The following BNC2 variants were observed in gnomAD, a reference collection of about 807,000 sequenced individuals.
The protein encoded by BNC2 is basonuclin zinc finger protein 2.
Under a neutral mutation model 76.3 loss-of-function variants are expected in BNC2, and 20 were observed. That is an observed-to-expected ratio of 0.26 (90% CI 0.18 to 0.38). BNC2 has a LOEUF of 0.38. Among genes scored for constraint, BNC2 ranks in the 10% least tolerant of loss-of-function variants. The probability of loss-of-function intolerance (pLI) is 1.00; values close to 1 mark genes in which losing one functional copy is unlikely to be tolerated. For synonymous variants in BNC2, 582 were observed against 514.8 expected (o/e 1.13, Z -1.77); for missense variants, 1,382 against 1,399.8 (o/e 0.99, Z 0.20).
At chr9:16,688,671 A>C (rs1823052159) in intron 3 of BNC2, among the ~76,000 whole-genome samples, 1 of 152,374 alleles carries the variant, frequency 6.6e-6, no homozygotes, top group African/African-American at 2.4e-5. Flanking sequence ...TTGCTTTAAA[A>C]GTAATAAAAT....
At chr9:16,795,646 G>C (rs112936492) in intron 1 of BNC2, among the ~76,000 whole-genome samples, 1 of 152,070 alleles carries the variant, frequency 6.6e-6, no homozygotes, top group Non-Finnish European at 1.5e-5. Context: ...CTCCAGAGAG[G>C]ATATCATGAT....
chr9:16,497,815 G>A (rs910567923), intron 5 of BNC2, among the ~76,000 whole-genome samples: 2 of 151,944 alleles, frequency 1.3e-5, no homozygotes, highest in African/African-American at 2.4e-5. Context: ...ACAGAAAAAC[G>A]CAGGTTAGCC....
intron 5 of BNC2, among the ~76,000 whole-genome samples, chr9:16,521,033 T>G (rs1361288295): frequency 6.6e-6 from 1 of 152,078 alleles, no homozygotes; most frequent in Non-Finnish European, 1.5e-5. Context: ...TGTGGGGCCA[T>G]CCCCACACCA....
At chr9:16,781,374 G>A (rs894604205) in intron 1 of BNC2, among the ~76,000 whole-genome samples, 14 of 151,936 alleles carry the variant, frequency 9.2e-5, no homozygotes, top group Admixed American at 5.9e-4. Context: ...ATGGAGTCTC[G>A]CTCTGTTGCC....
At chr9:16,590,663 C>A (rs996199733) in intron 3 of BNC2, among the ~76,000 whole-genome samples, 1 of 151,974 alleles carries the variant, frequency 6.6e-6, no homozygotes, top group African/African-American at 2.4e-5. Flanking sequence ...AAAAATTCGC[C>A]GGGCGTGGTG....
chr9:16,549,990 A>T (rs1321930880), intron 5 of BNC2, among the ~76,000 whole-genome samples: 1 of 151,962 alleles, frequency 6.6e-6, no homozygotes, highest in South Asian at 2.1e-4. Context: ...GTCAAAATCT[A>T]TATTAAAATA....
chr9:16,617,481 A>G (rs926924560), intron 3 of BNC2, among the ~76,000 whole-genome samples: 1 of 151,652 alleles, frequency 6.6e-6, no homozygotes, highest in African/African-American at 2.4e-5. Flanking sequence ...GAATCCCCAC[A>G]AAGCCCTGTA....
At chr9:16,858,990 T>C (rs950307537) in intron 1 of BNC2, among the ~76,000 whole-genome samples, 16 of 151,968 alleles carry the variant, frequency 1.1e-4, no homozygotes, top group African/African-American at 3.9e-4. Flanking sequence ...TATAGACAAC[T>C]CTTAAAACTC....
At chr9:16,815,735 T>C (rs999657500) in intron 1 of BNC2, among the ~76,000 whole-genome samples, 5 of 152,246 alleles carry the variant, frequency 3.3e-5, no homozygotes, top group Admixed American at 1.3e-4. Flanking sequence ...CTACTATTTA[T>C]TGGCTTTCTA....
chr9:16,445,262 G>A (rs1162460532), intron 5 of BNC2, among the ~76,000 whole-genome samples: 1 of 152,204 alleles, frequency 6.6e-6, no homozygotes, highest in East Asian at 1.9e-4. Context: ...ACTGACGGAG[G>A]AAGATGCACC....
At chr9:16,590,850 C>G (rs887251562) in intron 3 of BNC2, among the ~76,000 whole-genome samples, 42 of 152,088 alleles carry the variant, frequency 2.8e-4, no homozygotes, top group African/African-American at 9.9e-4. Context: ...GGACGAAAAT[C>G]TGGAATAGCA....
At chr9:16,740,930 A>G (rs750870249) in intron 1 of BNC2, among the ~76,000 whole-genome samples, 25 of 152,186 alleles carry the variant, frequency 1.6e-4, no homozygotes, top group Non-Finnish European at 2.9e-4. Context: ...AAATACATAT[A>G]TTAAAACTGC....
chr9:16,679,032 G>A (rs985946211), intron 3 of BNC2, among the ~76,000 whole-genome samples: 4 of 152,106 alleles, frequency 2.6e-5, no homozygotes, highest in Non-Finnish European at 5.9e-5. Flanking sequence ...AGGAACATTC[G>A]TATCTGGTCA....
Position 16,511,104 on chromosome 9 carries a change from A to AT in BNC2, c.669+41425_669+41426insA, listed in dbSNP as rs1198864332. On this transcript the variant is annotated intron_variant, in intron 5 of 6. Coordinates refer to ENST00000380672, the MANE Select transcript of BNC2 (RefSeq NM_017637.6). Reference sequence around the variant, plus strand: ...AAAGCTAATGGAGATCACTAAACTTACTTTTTTTTTTTTTTTTTTTTTAAG... The same window carrying AT: ...AAAGCTAATGGAGATCACTAAACTTATCTTTTTTTTTTTTTTTTTTTTTAAG... 1.7e-4 allele frequency among the ~76,000 whole-genome samples: 19 copies of AT among 113,620 alleles called. No individual in the cohort carries two copies. The South Asian group carries it at 5.9e-3, about 35-fold the overall frequency. 74.5% of individuals were successfully genotyped at this position (113,620 alleles called of 152,430 possible). A position where few individuals can be genotyped will look rare whatever the true frequency, so the allele number is the denominator to read the frequency against.
At chr9:16,774,720 C>CAG (rs2135489292) in intron 1 of BNC2, among the ~76,000 whole-genome samples, 2 of 152,246 alleles carry the variant, frequency 1.3e-5, no homozygotes, top group East Asian at 3.9e-4. Flanking sequence ...TTAAAGGGTC[C>CAG]AGAGAGATCT....
At chr9:16,481,217 C>T (rs1261717197) in intron 5 of BNC2, among the ~76,000 whole-genome samples, 25 of 152,036 alleles carry the variant, frequency 1.6e-4, no homozygotes, top group Non-Finnish European at 1.5e-5. Flanking sequence ...CAATCAGCGC[C>T]CTGTCAAAAC....
At chr9:16,833,630 T>A (rs1280196496) in intron 1 of BNC2, among the ~76,000 whole-genome samples, 2 of 152,196 alleles carry the variant, frequency 1.3e-5, no homozygotes, top group Non-Finnish European at 2.9e-5. Flanking sequence ...TGCTGGGAAT[T>A]GCTGGTTATT....
At chr9:16,799,575 A>G (rs1817734032) in intron 1 of BNC2, among the ~76,000 whole-genome samples, 1 of 152,192 alleles carries the variant, frequency 6.6e-6, no homozygotes, top group Non-Finnish European at 1.5e-5. Flanking sequence ...TTGGCATCAG[A>G]AAGCATTTAC....
Position 16,555,936 on chromosome 9 carries a change from T to A in BNC2, c.434-3171A>T, listed in dbSNP as rs1188675548. 2.0e-5 allele frequency among the ~76,000 whole-genome samples: 3 copies of A among 152,224 alleles called. No individual in the cohort carries two copies. The East Asian group carries it at 5.8e-4, about 29-fold the overall frequency. On this transcript the variant is annotated intron_variant, in intron 4 of 6. Transcript: ENST00000380672. ...ATTCTCTTTCACACCTATTCACCTC[T>A]GTTGTTATAGCAAGAAAGCAGCCAT...
Sources: gnomAD v4.1 joint callset for allele counts (sites outside exome capture counted in the v4.1 genomes callset) on GRCh38, gnomAD v4.1.1 for gene constraint, MANE v1.5 for transcripts, NCBI Gene and HGNC (gene_info 2026-07-23, HGNC 2026-07-21) for gene names.